Variants in CFDP1 observed in about 807,000 individuals in gnomAD.
The protein encoded by CFDP1 is chromatin remodeling protein CFDP1.
Under a neutral mutation model 40.1 loss-of-function variants are expected in CFDP1, and 31 were observed. The ratio of observed to expected loss-of-function variants is 0.77; its 90% confidence interval spans 0.58 to 1.04. The LOEUF (loss-of-function observed/expected upper bound fraction) is 1.04. Ranked by LOEUF, CFDP1 falls within the 50% of genes least tolerant of loss-of-function variation. The probability of loss-of-function intolerance (pLI) is 0.00; values close to 1 mark genes in which losing one functional copy is unlikely to be tolerated. For missense variants in CFDP1, 423 were observed against 343.4 expected (o/e 1.23, Z -1.83); for synonymous variants, 167 against 120.0 (o/e 1.39, Z -2.56).
At chr16:75,395,505 A>G (rs144541397) in intron 4 of CFDP1, among the ~76,000 whole-genome samples, 2,866 of 152,006 alleles carry the variant, frequency 0.019, 84 homozygotes, top group African/African-American at 0.065. Context: ...TTAAAAATAT[A>G]AAAATTAGCT....
At chr16:75,429,119 A>AAAAAAAG (rs968567543) in intron 1 of CFDP1, among the ~76,000 whole-genome samples, 1 of 152,254 alleles carries the variant, frequency 6.6e-6, no homozygotes, top group East Asian at 1.9e-4. Flanking sequence ...TCTGTCTCGA[A>AAAAAAAG]AAAAAAGAAA....
At chr16:75,407,654 C>CAAA (rs11456525) in intron 4 of CFDP1, among the ~76,000 whole-genome samples, 30 of 116,712 alleles carry the variant, frequency 2.6e-4, no homozygotes, top group African/African-American at 8.3e-4. Flanking sequence ...GACCCTGTCT[C>CAAA]AAAAAAAAAA....
chr16:75,429,825 C>G (rs548682085), intron 1 of CFDP1, among the ~76,000 whole-genome samples: 1 of 152,084 alleles, frequency 6.6e-6, no homozygotes, highest in South Asian at 2.1e-4. Flanking sequence ...GCAGTGTCGA[C>G]GAAAAGAGTC....
chr16:75,432,459 G>A (rs138608681), intron 1 of CFDP1, among the ~76,000 whole-genome samples: 333 of 151,476 alleles, frequency 2.2e-3, no homozygotes, highest in African/African-American at 7.6e-3. Flanking sequence ...GCTGAGACGG[G>A]AGGATCGCTT....
chr16:75,354,203 A>C (rs181257353), intron 5 of CFDP1, among the ~76,000 whole-genome samples: 8 of 152,336 alleles, frequency 5.3e-5, no homozygotes, highest in Admixed American at 4.6e-4. Flanking sequence ...CCAAGCTTTG[A>C]TGTTTGGTAG....
intron 5 of CFDP1, among the ~76,000 whole-genome samples, chr16:75,385,643 C>G (rs544133222): frequency 6.6e-6 from 1 of 152,314 alleles, no homozygotes; most frequent in East Asian, 1.9e-4. Flanking sequence ...GTACAAGACT[C>G]TTTTACCCAA....
intron 4 of CFDP1, among the ~76,000 whole-genome samples, chr16:75,397,445 G>A (rs2079005407): frequency 6.6e-6 from 1 of 151,990 alleles, no homozygotes; most frequent in Non-Finnish European, 1.5e-5. Context: ...GGCAGAGGTT[G>A]CAGTGAGCCA....
At chr16:75,340,019 T>C (rs1309098847) in intron 5 of CFDP1, among the ~76,000 whole-genome samples, 1 of 152,224 alleles carries the variant, frequency 6.6e-6, no homozygotes, top group East Asian at 1.9e-4. Context: ...TATTTTCTCA[T>C]ACTAGTTTTT....
chr16:75,421,287 T>G (rs1159564131), intron 1 of CFDP1, among the ~76,000 whole-genome samples: 2 of 152,176 alleles, frequency 1.3e-5, no homozygotes, highest in Non-Finnish European at 2.9e-5. Context: ...CCTGATTTAC[T>G]CAAGCTTCAA....
intron 5 of CFDP1, chr16:75,372,068 A>T (rs1259846012): frequency 6.6e-6 from 1 of 152,200 alleles, no homozygotes; most frequent in Non-Finnish European, 1.5e-5. Context: ...ATTAAGTAAA[A>T]CTATTATTTG....
chr16:75,354,349 T>C (rs185765432), intron 5 of CFDP1, among the ~76,000 whole-genome samples: 3 of 152,330 alleles, frequency 2.0e-5, no homozygotes, highest in African/African-American at 7.2e-5. Flanking sequence ...CATTCTCTCA[T>C]GGCTCTGCAT....
chr16:75,407,521 A>AT (rs1441279628), intron 4 of CFDP1, among the ~76,000 whole-genome samples: 1 of 143,400 alleles, frequency 7.0e-6, no homozygotes, highest in African/African-American at 2.5e-5. Flanking sequence ...CTACAAAAAA[A>AT]TTTTAAAAGT....
At position 75,388,885 on chromosome 16, in the gene CFDP1, C is replaced by T. The variant is rs922156120; in HGVS notation, c.650+6205G>A. 2.7e-5 allele frequency among the ~76,000 whole-genome samples: 4 copies of T among 150,634 alleles called. No homozygotes were observed. The South Asian group carries it at 8.3e-4, about 31-fold the overall frequency. On this transcript the variant is annotated intron_variant, in intron 5 of 6. Coordinates refer to ENST00000283882, the MANE Select transcript of CFDP1 (RefSeq NM_006324.3). ...GGGGAAAACACTGCTACACTGACATCACCTATGATGTTGTTTGATACTCAA... is the reference window on the plus strand; with the variant it reads ...GGGGAAAACACTGCTACACTGACATTACCTATGATGTTGTTTGATACTCAA...
chr16:75,431,468 A>AAAAG (rs2079415574), intron 1 of CFDP1, among the ~76,000 whole-genome samples: 1 of 148,942 alleles, frequency 6.7e-6, no homozygotes, highest in Non-Finnish European at 1.5e-5. Flanking sequence ...AAAAAAAAAA[A>AAAAG]AAAAAAAAAG....
chr16:75,322,978 G>C (rs1469977547), intron 5 of CFDP1, among the ~76,000 whole-genome samples: 1 of 151,970 alleles, frequency 6.6e-6, no homozygotes, highest in Non-Finnish European at 1.5e-5. Context: ...ACACTACTGT[G>C]GATTTTATAA....
At chr16:75,350,750 A>C (rs977087245) in intron 5 of CFDP1, among the ~76,000 whole-genome samples, 1 of 152,192 alleles carries the variant, frequency 6.6e-6, no homozygotes, top group Non-Finnish European at 1.5e-5. Context: ...TTTGCATCCG[A>C]AAACAAAATA....
chr16:75,364,588 T>C (rs1057191480), intron 5 of CFDP1, among the ~76,000 whole-genome samples: 13 of 152,238 alleles, frequency 8.5e-5, no homozygotes, highest in African/African-American at 3.1e-4. Flanking sequence ...GTGAAGAAGA[T>C]GCAGAGTCAG....
intron 5 of CFDP1, among the ~76,000 whole-genome samples, chr16:75,393,530 G>A (rs2078969583): frequency 1.3e-5 from 2 of 151,880 alleles, no homozygotes; most frequent in Non-Finnish European, 2.9e-5. Flanking sequence ...AGGAGATCGA[G>A]ACCATCCTGG....
chr16:75,401,428 C>CAA (rs35178768), intron 4 of CFDP1, among the ~76,000 whole-genome samples: 4,027 of 92,106 alleles, frequency 0.044, 111 homozygotes, highest in Admixed American at 0.064. Flanking sequence ...GACTCCGTCT[C>CAA]AAAAAAAAAA....
Sources: gnomAD v4.1 joint callset for allele counts (sites outside exome capture counted in the v4.1 genomes callset) on GRCh38, gnomAD v4.1.1 for gene constraint, MANE v1.5 for transcripts, NCBI Gene and HGNC (gene_info 2026-07-23, HGNC 2026-07-21) for gene names.